The following TENM1 variants were observed in gnomAD, a reference collection of about 807,000 sequenced individuals.
The protein encoded by TENM1 is teneurin-1.
TENM1 carries 35 observed loss-of-function variants against 174.8 expected under a neutral mutation model. The observed-to-expected ratio is 0.20, with a 90% CI of 0.15 to 0.27. The LOEUF (loss-of-function observed/expected upper bound fraction) is 0.27. Ranked by LOEUF, TENM1 falls within the 10% of genes least tolerant of loss-of-function variation. TENM1 has a pLI of 1.00. For missense variants in TENM1, 1,633 were observed against 2,130.1 expected, an observed-to-expected ratio of 0.77 and a Z score of 4.59; for synonymous variants, 781 against 798.7, an observed-to-expected ratio of 0.98 and a Z score of 0.37.
At chrX:124,765,981 C>T (rs766520213) in intron 3 of TENM1, among the ~76,000 whole-genome samples, 12 of 112,108 alleles carry the variant, frequency 1.1e-4, no homozygotes, top group East Asian at 2.8e-4. Flanking sequence ...ACGAAAGTCA[C>T]ATGAAATACA....
At chrX:124,791,047 C>A (rs1157116168) in intron 3 of TENM1, among the ~76,000 whole-genome samples, 1 of 111,587 alleles carries the variant, frequency 9.0e-6, no homozygotes, top group Non-Finnish European at 1.9e-5. Context: ...AGTTCAAATA[C>A]CTTATCACAT....
intron 3 of TENM1, among the ~76,000 whole-genome samples, chrX:124,837,599 T>G (rs896418376): frequency 7.1e-5 from 8 of 112,137 alleles, no homozygotes; most frequent in Admixed American, 3.8e-4. Flanking sequence ...ATATAAACAC[T>G]GCCTCTAAAC....
chrX:124,390,578 T>A (rs2060272160), intron 28 of TENM1, among the ~76,000 whole-genome samples: 1 of 111,892 alleles, frequency 8.9e-6, no homozygotes, highest in African/African-American at 3.3e-5. Flanking sequence ...TTCTAAGGAG[T>A]GCTGGCTACT....
chrX:125,042,721 T>A, the TENM1 span, among the ~76,000 whole-genome samples: 3 of 111,525 alleles, frequency 2.7e-5, no homozygotes, highest in Admixed American at 2.9e-4. Flanking sequence ...GAGTAGGACA[T>A]TCATGTGAAA....
chrX:124,769,201 G>A (rs1392066435), intron 3 of TENM1, among the ~76,000 whole-genome samples: 2 of 111,719 alleles, frequency 1.8e-5, no homozygotes, highest in Non-Finnish European at 3.8e-5. Context: ...TCTATTAAAA[G>A]AATCCTCAAG....
the TENM1 span, among the ~76,000 whole-genome samples, chrX:125,173,301 C>T: frequency 1.8e-5 from 2 of 110,884 alleles, no homozygotes; most frequent in Non-Finnish European, 3.8e-5. Context: ...AAATATATGG[C>T]CATGTGGAAA....
chrX:124,809,505 G>T (rs1186305625), intron 3 of TENM1, among the ~76,000 whole-genome samples: 2 of 111,395 alleles, frequency 1.8e-5, no homozygotes, highest in African/African-American at 6.5e-5. Context: ...TTCATCACAG[G>T]AATGAAAGGA....
intron 1 of TENM1, among the ~76,000 whole-genome samples, chrX:124,945,381 G>A (rs1053009017): frequency 1.8e-5 from 2 of 110,941 alleles, no homozygotes; most frequent in African/African-American, 6.6e-5. Flanking sequence ...GAGCAGGGAA[G>A]TGATAGGCTT....
chrX:124,558,934 A>G (rs1302758745), intron 14 of TENM1, among the ~76,000 whole-genome samples: 1 of 111,825 alleles, frequency 8.9e-6, no homozygotes, highest in East Asian at 2.8e-4. Flanking sequence ...TCACAGGTCA[A>G]TACACGTTCA....
At chrX:124,664,066 G>A (rs763673013) in intron 6 of TENM1, among the ~76,000 whole-genome samples, 41 of 111,725 alleles carry the variant, frequency 3.7e-4, no homozygotes, top group Middle Eastern at 9.3e-3. Context: ...AACATTTACT[G>A]TAATTCGCCA....
At chrX:124,909,990 T>C (rs988258971) in intron 1 of TENM1, among the ~76,000 whole-genome samples, 2 of 112,441 alleles carry the variant, frequency 1.8e-5, no homozygotes, top group East Asian at 5.6e-4. Context: ...ATCTGTGATC[T>C]ACATTCAGAG....
chrX:124,937,412 T>C (rs1357582521), intron 1 of TENM1, among the ~76,000 whole-genome samples: 6 of 111,787 alleles, frequency 5.4e-5, no homozygotes, highest in Non-Finnish European at 5.6e-5. Flanking sequence ...ATAGTGCTTA[T>C]TGCAATGCTC....
At chrX:124,778,235 G>A (rs2054828611) in intron 3 of TENM1, among the ~76,000 whole-genome samples, 1 of 112,613 alleles carries the variant, frequency 8.9e-6, no homozygotes, top group Non-Finnish European at 1.9e-5. Flanking sequence ...GTGGAGCCCC[G>A]GGAAGTTTGC....
chrX:124,736,236 G>C (rs1226190365), intron 4 of TENM1, among the ~76,000 whole-genome samples: 2 of 112,188 alleles, frequency 1.8e-5, no homozygotes, highest in Non-Finnish European at 3.8e-5. Context: ...ATTTAAGAAA[G>C]TGACTAGAAA....
the TENM1 span, among the ~76,000 whole-genome samples, chrX:124,984,719 C>T: frequency 8.9e-6 from 1 of 112,170 alleles, no homozygotes; most frequent in Non-Finnish European, 1.9e-5. Flanking sequence ...ATGATAAATT[C>T]TCTCTCCTCC....
Position 124,468,473 on chromosome X carries a change from C to T in TENM1, c.3949+13259G>A, listed in dbSNP as rs147089020. 6.9e-4 allele frequency among the ~76,000 whole-genome samples: 78 copies of T among 112,554 alleles called. 2 individuals carry two copies. In the East Asian group the frequency reaches 0.019, roughly 27 times the overall value. On this transcript the variant is annotated intron_variant, in intron 22 of 31. Transcript: ENST00000422452. ...TTACAGGCGTCAGCCACCGCGCCCG[C>T]GCCCGGCACATATCTATTTCTTAAA...
At chrX:125,020,849 C>T in the TENM1 span, among the ~76,000 whole-genome samples, 1 of 111,563 alleles carries the variant, frequency 9.0e-6, no homozygotes, top group African/African-American at 3.2e-5. Context: ...TGTTTCAACA[C>T]AGCCTATGTT....
intron 1 of TENM1, among the ~76,000 whole-genome samples, chrX:124,915,250 T>C: frequency 8.9e-6 from 1 of 112,457 alleles, no homozygotes; most frequent in East Asian, 2.8e-4. Flanking sequence ...CTCGGCTGGA[T>C]GTGGTGGCTC....
the TENM1 span, among the ~76,000 whole-genome samples, chrX:125,190,260 C>T: frequency 2.7e-5 from 3 of 112,021 alleles, no homozygotes; most frequent in African/African-American, 9.7e-5. Context: ...AATGATGAGA[C>T]CTGCCAAAAC....
Sources: gnomAD v4.1 joint callset for allele counts (sites outside exome capture counted in the v4.1 genomes callset) on GRCh38, gnomAD v4.1.1 for gene constraint, MANE v1.5 for transcripts, NCBI Gene and HGNC (gene_info 2026-07-23, HGNC 2026-07-21) for gene names.